The following OSBPL1A variants were observed in gnomAD, a reference collection of about 807,000 sequenced individuals.
OSBPL1A encodes oxysterol-binding protein-related protein 1.
In OSBPL1A, 80 loss-of-function variants were observed where a neutral mutation model predicts 137.1. That is an observed-to-expected ratio of 0.58 (90% CI 0.49 to 0.70). OSBPL1A has a LOEUF of 0.70. Among genes scored for constraint, OSBPL1A ranks in the 30% least tolerant of loss-of-function variants. OSBPL1A has a pLI of 0.00. For synonymous variants in OSBPL1A, 365 were observed against 389.7 expected (o/e 0.94, Z 0.75); for missense variants, 970 against 1,129.4 (o/e 0.86, Z 2.02).
chr18:24,285,933 G>C (rs1165580222), intron 14 of OSBPL1A, among the ~76,000 whole-genome samples: 1 of 152,154 alleles, frequency 6.6e-6, no homozygotes, highest in Non-Finnish European at 1.5e-5. Flanking sequence ...GAGGCGTGCA[G>C]ATCACCTGAG....
Position 24,271,912 on chromosome 18 carries a change from G to T in OSBPL1A, c.1281+8930C>A. 1.0e-6 allele frequency: 1 copy of T among 984,200 alleles called. No individual in the cohort carries two copies. The highest frequency in any genetic ancestry group is 1.2e-6 in the Non-Finnish European group (1 of 829,600). 61.0% of individuals were successfully genotyped at this position (984,200 alleles called of 1,614,324 possible). ...CGCCGCGCCCGCCCGGGCCGCAGAG[G>T]TCTGCGCTGCCCCTCCGCCGCCGCT... On this transcript the variant is annotated intron_variant, in intron 15 of 27. Transcript: ENST00000319481. The surrounding 1 kb of genome is among the most constrained non-coding windows in gnomAD (Gnocchi z 4.0).
chr18:24,389,386 C>T (rs1433517547), intron 1 of OSBPL1A, among the ~76,000 whole-genome samples: 1 of 152,090 alleles, frequency 6.6e-6, no homozygotes, highest in African/African-American at 2.4e-5. Flanking sequence ...TTTTTAAATT[C>T]TTTTGAGGAA....
intron 16 of OSBPL1A, 30 bp downstream of exon 16, chr18:24,239,190 A>G (rs1355693182): frequency 1.9e-6 from 3 of 1,607,196 alleles, no homozygotes; most frequent in Admixed American, 3.4e-5. Context: ...TAAATCACCA[A>G]CAATGCAGAG....
chr18:24,318,125 A>C (rs1257162167), intron 9 of OSBPL1A, among the ~76,000 whole-genome samples: 1 of 152,172 alleles, frequency 6.6e-6, no homozygotes, highest in Non-Finnish European at 1.5e-5. Flanking sequence ...GGCTACAACC[A>C]GTGGAAGCCT....
intron 1 of OSBPL1A, among the ~76,000 whole-genome samples, chr18:24,395,090 T>C (rs1229160143): frequency 6.6e-6 from 1 of 152,216 alleles, no homozygotes; most frequent in Admixed American, 6.5e-5. Flanking sequence ...TACCTGACAG[T>C]GTCTTTTCTT....
chr18:24,208,137 T>C (rs547353351), intron 17 of OSBPL1A, among the ~76,000 whole-genome samples: 19 of 152,324 alleles, frequency 1.2e-4, no homozygotes, highest in African/African-American at 4.3e-4. Context: ...CAAAGCAAAA[T>C]AGTCTTCCAA....
chr18:24,281,330 C>T (rs985202625), intron 14 of OSBPL1A, among the ~76,000 whole-genome samples: 1 of 151,868 alleles, frequency 6.6e-6, no homozygotes, highest in Admixed American at 6.6e-5. Context: ...ATGATCTGCC[C>T]ACCTTGGCCT....
chr18:24,167,508 CATA>C, intron 24 of OSBPL1A, 63 bp from the exon 25 acceptor site: 1 of 1,306,810 alleles, frequency 7.7e-7, no homozygotes, highest in Non-Finnish European at 1.1e-6. Context: ...TCAAGCACCA[CATA>C]ATGACATTTT....
chr18:24,339,149 T>A (rs889289901), intron 5 of OSBPL1A, among the ~76,000 whole-genome samples: 2 of 152,098 alleles, frequency 1.3e-5, no homozygotes, highest in Non-Finnish European at 2.9e-5. Flanking sequence ...TTTTTGTATT[T>A]TTAGTAGAGA....
intron 27 of OSBPL1A, among the ~76,000 whole-genome samples, chr18:24,164,357 A>AT (rs1211413295): frequency 6.6e-6 from 1 of 151,646 alleles, no homozygotes; most frequent in African/African-American, 2.4e-5. Context: ...AAGCAAGCTC[A>AT]TACACTCGTA....
chr18:24,287,199 G>A (rs2090079528), intron 14 of OSBPL1A, among the ~76,000 whole-genome samples: 1 of 152,166 alleles, frequency 6.6e-6, no homozygotes, highest in Non-Finnish European at 1.5e-5. Flanking sequence ...TCATCAAAGG[G>A]TATAACTGGG....
At chr18:24,244,941 A>C (rs2088836916) in intron 15 of OSBPL1A, among the ~76,000 whole-genome samples, 1 of 152,224 alleles carries the variant, frequency 6.6e-6, no homozygotes, top group African/African-American at 2.4e-5. Context: ...GTGTGCAATC[A>C]GCCAGTTATA....
rs768327679 is a variant in OSBPL1A, at chr18:24,188,808, T to C, written c.1677+7317A>G. Among the ~76,000 whole-genome samples the C allele has an allele frequency of 3.2e-4, 48 of 152,322 alleles. 2 individuals carry two copies. Among genetic ancestry groups the C allele is most frequent in the Middle Eastern group, 3.4e-3 (1 of 294 alleles). On this transcript the variant is annotated intron_variant, in intron 18 of 27. Transcript: ENST00000319481. ...GTTCCCTAGAGAGGTAGTGAAAAAC[T>C]CGCTGACACAAGGTGTATTTTATTT...
At chr18:24,232,787 T>G (rs1247800864) in intron 16 of OSBPL1A, among the ~76,000 whole-genome samples, 1 of 151,360 alleles carries the variant, frequency 6.6e-6, no homozygotes, top group East Asian at 2.0e-4. Flanking sequence ...ACACATCAGG[T>G]AAAGTGCAAG....
At chr18:24,223,051 AT>A (rs937138474) in intron 17 of OSBPL1A, among the ~76,000 whole-genome samples, 1 of 152,054 alleles carries the variant, frequency 6.6e-6, no homozygotes, top group Non-Finnish European at 1.5e-5. Context: ...CTTCAAATAA[AT>A]TTTTTGGTCA....
intron 14 of OSBPL1A, among the ~76,000 whole-genome samples, chr18:24,289,155 C>CT (rs1215895602): frequency 6.6e-6 from 1 of 152,092 alleles, no homozygotes; most frequent in Non-Finnish European, 1.5e-5. Flanking sequence ...AGGGGGATTT[C>CT]TTTTTTGTGG....
intron 4 of OSBPL1A, among the ~76,000 whole-genome samples, chr18:24,366,133 CAAAACTCAGG>C (rs1376355321): frequency 6.6e-6 from 1 of 152,072 alleles, no homozygotes; most frequent in Non-Finnish European, 1.5e-5. Context: ...GAGCAGCCCA[CAAAACTCAGG>C]AAAACATGTT....
intron 7 of OSBPL1A, among the ~76,000 whole-genome samples, chr18:24,328,495 T>C (rs1430850816): frequency 6.6e-6 from 1 of 152,156 alleles, no homozygotes; most frequent in African/African-American, 2.4e-5. Flanking sequence ...TCCTCCTCCA[T>C]GAACCTGTAT....
intron 17 of OSBPL1A, among the ~76,000 whole-genome samples, chr18:24,198,301 G>C (rs763636558): frequency 3.9e-4 from 59 of 152,312 alleles, no homozygotes; most frequent in Non-Finnish European, 5.3e-4. Context: ...GGCAGAAGAT[G>C]AGAGACATTC....
Sources: gnomAD v4.1 joint callset for allele counts (sites outside exome capture counted in the v4.1 genomes callset) on GRCh38, gnomAD v4.1.1 for gene constraint, Gnocchi (gnomAD v3.1) non-coding constraint, MANE v1.5 for transcripts, NCBI Gene and HGNC (gene_info 2026-07-23, HGNC 2026-07-21) for gene names.